PCDH9: variants seen among roughly 807,000 people sequenced by gnomAD.
PCDH9 encodes the protein protocadherin 9.
In PCDH9, 24 loss-of-function variants were observed where a neutral mutation model predicts 70.6. The ratio of observed to expected loss-of-function variants is 0.34; its 90% confidence interval spans 0.25 to 0.48. The LOEUF is 0.48. Among genes scored for constraint, PCDH9 ranks in the 20% least tolerant of loss-of-function variants. The pLI is 0.99. For synonymous variants in PCDH9, 562 were observed against 558.5 expected (o/e 1.01, Z -0.09); for missense variants, 1,281 against 1,503.6 (o/e 0.85, Z 2.45).
intron 4 of PCDH9, among the ~76,000 whole-genome samples, chr13:66,426,532 G>A (rs571275717): frequency 2.0e-3 from 290 of 146,514 alleles, no homozygotes; most frequent in African/African-American, 6.7e-3. Context: ...GCAAAAATAC[G>A]CTATGTAATA....
intron 2 of PCDH9, among the ~76,000 whole-genome samples, chr13:67,060,155 T>C (rs1309570909): frequency 6.6e-6 from 1 of 152,064 alleles, no homozygotes; most frequent in Non-Finnish European, 1.5e-5. Context: ...GCTGGAAGAA[T>C]TTCATGAGGT....
intron 2 of PCDH9, among the ~76,000 whole-genome samples, chr13:67,097,256 A>C (rs1168141492): frequency 6.6e-6 from 1 of 151,238 alleles, no homozygotes; most frequent in African/African-American, 2.4e-5. Flanking sequence ...ACCGTGTTTC[A>C]AAAAAAAAGC....
intron 3 of PCDH9, among the ~76,000 whole-genome samples, chr13:66,718,853 G>A (rs991194): frequency 0.13 from 20,243 of 152,100 alleles, 1,558 homozygotes; most frequent in African/African-American, 0.21. Context: ...TTTTCTCTTT[G>A]CAAATCCTTA....
intron 2 of PCDH9, chr13:67,225,094 G>T: frequency 8.3e-7 from 1 of 1,209,790 alleles, no homozygotes; most frequent in Non-Finnish European, 1.0e-6. Context: ...GCAGAATTTG[G>T]CATATCAGGA....
In PCDH9 at chr13:66,354,921, C is replaced by T. The variant is rs115464426; in HGVS notation, c.3341-49893G>A. ...ATTCCAGGGCTTGTATTTTTCGAAC[C>T]TTCATGTGCATACAAGTTGCTAAAA... On this transcript the variant is annotated intron_variant, in intron 4 of 4. Coordinates refer to ENST00000377865, the MANE Select transcript of PCDH9 (RefSeq NM_203487.3). Among the ~76,000 whole-genome samples the T allele has an allele frequency of 5.7e-3, 862 of 152,102 alleles. 9 individuals carry two copies. Among genetic ancestry groups the T allele is most frequent in the African/African-American group, 0.02 (812 of 41,484 alleles).
At chr13:66,408,996 T>C (rs411568) in intron 4 of PCDH9, among the ~76,000 whole-genome samples, 85,370 of 151,884 alleles carry the variant, frequency 0.56, 24,481 homozygotes, top group African/African-American at 0.68. Flanking sequence ...AAATGCTTCC[T>C]ATGTAAGGAT....
intron 3 of PCDH9, among the ~76,000 whole-genome samples, chr13:66,871,906 C>T (rs2081697586): frequency 6.6e-6 from 1 of 152,020 alleles, no homozygotes; most frequent in Non-Finnish European, 1.5e-5. Context: ...ATTTAACCTT[C>T]CAGGCACAGG....
In PCDH9 at chr13:66,514,658, C is replaced by G. The variant is rs142404214; in HGVS notation, c.3340+116552G>C. ...TGCTTTTGTGGCAGACATGAGAAAA[C>G]CTTTTGCTTTAGCAAAGCTCCCATT... On this transcript the variant is annotated intron_variant, in intron 4 of 4. Transcript: ENST00000377865. Among the ~76,000 whole-genome samples the G allele has an allele frequency of 7.4e-3, 1,127 of 152,152 alleles. 6 individuals are homozygous for G. The highest frequency in any genetic ancestry group is 0.017 in the Middle Eastern group (5 of 294).
intron 3 of PCDH9, among the ~76,000 whole-genome samples, chr13:66,803,488 A>G (rs1201176923): frequency 6.6e-6 from 1 of 152,188 alleles, no homozygotes. Context: ...CTGAGCATCC[A>G]GTAGAGACCA....
chr13:67,221,035 C>A (rs1399521080), intron 2 of PCDH9: 2 of 152,000 alleles, frequency 1.3e-5, no homozygotes, highest in Non-Finnish European at 2.9e-5. Context: ...GACTTCATGA[C>A]CATAGGGCAC....
intron 2 of PCDH9, among the ~76,000 whole-genome samples, chr13:67,129,815 CTATT>C (rs1645542137): frequency 6.6e-6 from 1 of 151,896 alleles, no homozygotes; most frequent in African/African-American, 2.4e-5. Context: ...AATAAATTAT[CTATT>C]CTGGATTCAA....
chr13:66,701,389 A>C (rs1374304936), intron 3 of PCDH9, among the ~76,000 whole-genome samples: 1 of 152,128 alleles, frequency 6.6e-6, no homozygotes, highest in Non-Finnish European at 1.5e-5. Flanking sequence ...AAATATATAT[A>C]TACATATATG....
At chr13:66,803,017 A>C (rs1488280292) in intron 3 of PCDH9, among the ~76,000 whole-genome samples, 2 of 152,160 alleles carry the variant, frequency 1.3e-5, no homozygotes, top group African/African-American at 4.8e-5. Flanking sequence ...TACTTCTAGA[A>C]TTTGAGTTAT....
intron 3 of PCDH9, among the ~76,000 whole-genome samples, chr13:66,729,545 A>G (rs957446859): frequency 6.6e-6 from 1 of 152,170 alleles, no homozygotes; most frequent in East Asian, 1.9e-4. Flanking sequence ...AAAATGTTTT[A>G]CAAAGTTTCT....
chr13:66,614,135 T>C (rs2138879265), intron 4 of PCDH9, among the ~76,000 whole-genome samples: 1 of 152,280 alleles, frequency 6.6e-6, no homozygotes, highest in Non-Finnish European at 1.5e-5. Context: ...TGGAAACAGA[T>C]TTACATGTAA....
intron 3 of PCDH9, among the ~76,000 whole-genome samples, chr13:66,828,440 G>C (rs1232254815): frequency 1.3e-5 from 2 of 152,054 alleles, no homozygotes; most frequent in Non-Finnish European, 2.9e-5. Flanking sequence ...CACTTATCCA[G>C]AGTACATGCT....
intron 4 of PCDH9, among the ~76,000 whole-genome samples, chr13:66,603,866 C>T (rs1593762944): frequency 6.6e-6 from 1 of 151,950 alleles, no homozygotes; most frequent in Admixed American, 6.6e-5. Context: ...ATCATCAGTA[C>T]TAGAACATAA....
chr13:67,222,269 C>T (rs1249050379), intron 2 of PCDH9: 14 of 139,118 alleles, frequency 1.0e-4, no homozygotes, highest in Non-Finnish European at 1.7e-4. Context: ...AAATAATTAC[C>T]GAGACATGAC....
intron 3 of PCDH9, among the ~76,000 whole-genome samples, chr13:66,900,414 A>G (rs76328835): frequency 0.022 from 3,327 of 151,980 alleles, 105 homozygotes; most frequent in African/African-American, 0.074. Context: ...AAAGAAATCA[A>G]AAATAAGCAT....
Sources: gnomAD v4.1 joint callset for allele counts (sites outside exome capture counted in the v4.1 genomes callset) on GRCh38, gnomAD v4.1.1 for gene constraint, MANE v1.5 for transcripts, NCBI Gene and HGNC (gene_info 2026-07-23, HGNC 2026-07-21) for gene names.